R3HDM2: variants seen among roughly 807,000 people sequenced by gnomAD.
R3HDM2 encodes the protein R3H domain-containing protein 2.
A neutral mutation model predicts 124.5 loss-of-function variants in R3HDM2; 38 were observed. That is an observed-to-expected ratio of 0.31 (90% CI 0.24 to 0.40). The LOEUF is 0.40. Ranked by LOEUF, R3HDM2 falls within the 10% of genes least tolerant of loss-of-function variation. R3HDM2 has a pLI of 1.00. For synonymous variants in R3HDM2, 391 were observed against 448.0 expected (o/e 0.87, Z 1.61); for missense variants, 869 against 1,236.9 (o/e 0.70, Z 4.46).
In R3HDM2 at chr12:57,301,204, G is replaced by A. The variant is rs150599910; in HGVS notation, c.208-1023C>T. ...TAATGCAATAAAACCTAATCTGCCC[G>A]CTTTACTTCTGCTAGCTGGTGAATC... On this transcript the variant is annotated intron_variant, in intron 4 of 23. Transcript: ENST00000402412. Among the ~76,000 whole-genome samples the A allele has an allele frequency of 5.9e-5, 9 of 152,160 alleles. No homozygotes were observed. In the East Asian group the frequency reaches 1.5e-3, roughly 26 times the overall value.
chr12:57,328,965 T>G (rs1036952235), intron 2 of R3HDM2, among the ~76,000 whole-genome samples: 3 of 152,218 alleles, frequency 2.0e-5, no homozygotes, highest in African/African-American at 7.2e-5. Context: ...CTCCAAGGTA[T>G]GCCTGTATTT....
chr12:57,360,857 C>T (rs1451617145), intron 2 of R3HDM2, among the ~76,000 whole-genome samples: 1 of 151,312 alleles, frequency 6.6e-6, no homozygotes, highest in Non-Finnish European at 1.5e-5. Flanking sequence ...TCGAGATCAT[C>T]CTGGCTAACA....
intron 2 of R3HDM2, among the ~76,000 whole-genome samples, chr12:57,369,938 G>C (rs889742095): frequency 6.6e-6 from 1 of 152,142 alleles, no homozygotes; most frequent in African/African-American, 2.4e-5. Flanking sequence ...CTTCAAAACA[G>C]AAGGTTAAAT....
chr12:57,354,377 C>T (rs1235848175), intron 2 of R3HDM2, among the ~76,000 whole-genome samples: 1 of 152,050 alleles, frequency 6.6e-6, no homozygotes, highest in African/African-American at 2.4e-5. Context: ...CATGTAACCT[C>T]TGGCTCCCAG....
chr12:57,364,195 T>A (rs1016896751), intron 2 of R3HDM2, among the ~76,000 whole-genome samples: 3 of 143,388 alleles, frequency 2.1e-5, no homozygotes, highest in African/African-American at 7.8e-5. Flanking sequence ...TCACCCAGGT[T>A]GGAGTGCAGT....
At chr12:57,267,962 C>T (rs895987026) in intron 18 of R3HDM2, among the ~76,000 whole-genome samples, 3 of 152,252 alleles carry the variant, frequency 2.0e-5, no homozygotes, top group Admixed American at 6.5e-5. Context: ...CAGAGGTACA[C>T]GGAAAAATTT....
chr12:57,390,070 T>C (rs1040463863), intron 2 of R3HDM2, among the ~76,000 whole-genome samples: 5 of 151,394 alleles, frequency 3.3e-5, no homozygotes, highest in Non-Finnish European at 7.4e-5. Context: ...TCAGTAACAA[T>C]AGGTGTAATA....
At chr12:57,363,067 C>A (rs1349446559) in intron 2 of R3HDM2, among the ~76,000 whole-genome samples, 1 of 152,194 alleles carries the variant, frequency 6.6e-6, no homozygotes, top group Non-Finnish European at 1.5e-5. Flanking sequence ...AAGTGATCCG[C>A]CCACCTTGGC....
At chr12:57,342,181 T>C (rs1201551585) in intron 2 of R3HDM2, among the ~76,000 whole-genome samples, 1 of 152,186 alleles carries the variant, frequency 6.6e-6, no homozygotes, top group African/African-American at 2.4e-5. Flanking sequence ...CAGATGGATC[T>C]GTACTTACAC....
At chr12:57,416,712 G>A (rs1020123149) in intron 1 of R3HDM2, among the ~76,000 whole-genome samples, 1 of 152,110 alleles carries the variant, frequency 6.6e-6, no homozygotes. Context: ...AGAGGATGAG[G>A]CAGGAAAATC....
chr12:57,291,624 A>AGC (rs1320434765), intron 11 of R3HDM2, among the ~76,000 whole-genome samples: 5 of 151,636 alleles, frequency 3.3e-5, no homozygotes, highest in Non-Finnish European at 1.5e-5. Context: ...ATTGCACTGC[A>AGC]GCCTGGGTGA....
rs1286933130 is a variant in R3HDM2 at position 57,254,913 on chromosome 12, T to C, written c.2833A>G (p.Thr945Ala). The C allele has an allele frequency of 6.2e-7, 1 of 1,613,910 alleles. No homozygotes were observed. The highest frequency in any genetic ancestry group is 1.1e-5 in the South Asian group (1 of 91,072). ...GGGCTGGGGAACACAGCCACAATGG[T>C]GTACAAGGCAGCGAGGTCCGAGTGG... is the stretch of plus-strand genomic sequence containing the variant. ...GRHSDLAALYTIVAVFPSPLA... is the reference protein window; with the variant it reads ...GRHSDLAALYAIVAVFPSPLA... Residue 945 changes from threonine (T) to alanine (A), a missense_variant, in exon 24 of 24, where the codon ACC (threonine) becomes GCC (alanine). By Grantham distance (58) the Thr-to-Ala change is moderately conservative (BLOSUM62 0). This residue lies in a region of R3HDM2 where 602 missense variants were observed against 789.2 expected (regional missense o/e 0.76). Transcript: ENST00000402412.
chr12:57,357,114 GAATAAATAAATAAATA>G lies in R3HDM2; in HGVS notation c.-36+38619_-36+38634del, dbSNP rs60165527. ...CGAGACTCTGTCTCAAAAAATAAAT[GAATAAATAAATAAATA>G]AATAAATAAATAGTAAAATTTATTG... On this transcript the variant is annotated intron_variant, in intron 2 of 23. Coordinates refer to ENST00000402412, the MANE Select transcript of R3HDM2 (RefSeq NM_001394031.1). 1.3e-3 allele frequency among the ~76,000 whole-genome samples: 187 copies of G among 146,742 alleles called. 1 individual carries two copies. The highest frequency in any genetic ancestry group is 4.3e-3 in the African/African-American group (171 of 39,880).
chr12:57,418,960 C>A (rs1285639808), intron 1 of R3HDM2, among the ~76,000 whole-genome samples: 1 of 152,194 alleles, frequency 6.6e-6, no homozygotes, highest in East Asian at 1.9e-4. Flanking sequence ...CTGCCAGTTT[C>A]CTTTGTAAAA....
At chr12:57,287,383 T>C (rs1431109833) in intron 12 of R3HDM2, among the ~76,000 whole-genome samples, 1 of 152,212 alleles carries the variant, frequency 6.6e-6, no homozygotes, top group Non-Finnish European at 1.5e-5. Flanking sequence ...TTGTTTTTTG[T>C]TTTTAATGCA....
chr12:57,363,997 T>G (rs1228456092), intron 2 of R3HDM2, among the ~76,000 whole-genome samples: 1 of 152,162 alleles, frequency 6.6e-6, no homozygotes, highest in African/African-American at 2.4e-5. Flanking sequence ...CATATAAAAT[T>G]TTAGGTTGAT....
At chr12:57,273,472 A>C (rs2044025737) in intron 14 of R3HDM2, among the ~76,000 whole-genome samples, 1 of 152,196 alleles carries the variant, frequency 6.6e-6, no homozygotes, top group African/African-American at 2.4e-5. Flanking sequence ...GAGAGAGGCA[A>C]GGAAGGGGGG....
At chr12:57,272,692 A>C in intron 14 of R3HDM2, 1 of 603,196 alleles carries the variant, frequency 1.7e-6, no homozygotes. Context: ...CATAGAAGAA[A>C]TTTCACATGA....
chr12:57,422,419 T>C (rs1236616250), intron 1 of R3HDM2, among the ~76,000 whole-genome samples: 2 of 152,218 alleles, frequency 1.3e-5, no homozygotes, highest in East Asian at 3.8e-4. Context: ...TCCCATTCCG[T>C]GCAGTTTGGC....
Sources: gnomAD v4.1 joint callset for allele counts (sites outside exome capture counted in the v4.1 genomes callset) on GRCh38, gnomAD v4.1.1 for gene constraint, gnomAD v4.1.1 regional missense constraint, MANE v1.5 for transcripts, NCBI Gene and HGNC (gene_info 2026-07-23, HGNC 2026-07-21) for gene names.